Variants in CDH13 observed in about 807,000 individuals in gnomAD.
CDH13 encodes cadherin-13.
CDH13 carries 24 observed loss-of-function variants against 63.8 expected under a neutral mutation model. The ratio of observed to expected loss-of-function variants is 0.38; its 90% CI spans 0.27 to 0.53. The LOEUF is 0.53. Among genes scored for constraint, CDH13 ranks in the 20% least tolerant of loss-of-function variants. The pLI, the probability that CDH13 is intolerant of heterozygous loss-of-function variation, is 0.85. For missense variants in CDH13, 1,049 were observed against 903.1 expected, an observed-to-expected ratio of 1.16 and a Z score of -2.07; for synonymous variants, 503 against 355.3, an observed-to-expected ratio of 1.42 and a Z score of -4.67.
chr16:82,829,960 G>A (rs1030313778), intron 1 of CDH13, among the ~76,000 whole-genome samples: 2 of 152,148 alleles, frequency 1.3e-5, no homozygotes, highest in Non-Finnish European at 2.9e-5. Context: ...TAATAAAGAC[G>A]ATGTTTAGAG....
At chr16:83,456,694 G>T (rs1481994466) in intron 6 of CDH13, among the ~76,000 whole-genome samples, 1 of 152,168 alleles carries the variant, frequency 6.6e-6, no homozygotes, top group Non-Finnish European at 1.5e-5. Flanking sequence ...TGGGCGCAGG[G>T]TTCATGACCG....
intron 6 of CDH13, among the ~76,000 whole-genome samples, chr16:83,404,359 C>T (rs2092010968): frequency 6.6e-6 from 1 of 152,214 alleles, no homozygotes; most frequent in African/African-American, 2.4e-5. Context: ...TCTCCCAACA[C>T]ATCTATCCAT....
chr16:83,778,286 T>C (rs929620987), intron 11 of CDH13, among the ~76,000 whole-genome samples: 12 of 152,290 alleles, frequency 7.9e-5, no homozygotes, highest in South Asian at 2.1e-4. Flanking sequence ...TCCCAACACA[T>C]TGGGAGGCCG....
chr16:83,469,487 G>C (rs1230448624), intron 6 of CDH13, among the ~76,000 whole-genome samples: 1 of 152,098 alleles, frequency 6.6e-6, no homozygotes, highest in African/African-American at 2.4e-5. Context: ...TATCTCAGCG[G>C]GGAATAACTA....
chr16:83,001,083 C>A (rs1337404371), intron 2 of CDH13, among the ~76,000 whole-genome samples: 5 of 152,306 alleles, frequency 3.3e-5, no homozygotes, highest in African/African-American at 1.2e-4. Context: ...TACTTACCTG[C>A]TTTTAATCTG....
At chr16:83,588,845 G>C (rs373292822) in intron 7 of CDH13, among the ~76,000 whole-genome samples, 4 of 152,320 alleles carry the variant, frequency 2.6e-5, no homozygotes, top group African/African-American at 9.6e-5. Flanking sequence ...GCAGGTGGGC[G>C]AGGAATGAGG....
At chr16:83,590,902 T>TC (rs1491374446) in intron 7 of CDH13, among the ~76,000 whole-genome samples, 4 of 118,004 alleles carry the variant, frequency 3.4e-5, no homozygotes, top group Non-Finnish European at 3.4e-5. Context: ...ACCAGGGGAT[T>TC]CTTTTTTTTT....
chr16:83,292,891 T>G (rs1164087663), intron 5 of CDH13, among the ~76,000 whole-genome samples: 1 of 152,204 alleles, frequency 6.6e-6, no homozygotes, highest in African/African-American at 2.4e-5. Flanking sequence ...CCAATGAATT[T>G]GCTTTCAGAA....
At chr16:82,929,507 C>T (rs549545744) in intron 2 of CDH13, among the ~76,000 whole-genome samples, 31 of 151,576 alleles carry the variant, frequency 2.0e-4, no homozygotes, top group Non-Finnish European at 2.8e-4. Context: ...AAAAAATTAG[C>T]TGGGCATGGT....
chr16:83,355,492 C>T (rs2091034397), intron 6 of CDH13, among the ~76,000 whole-genome samples: 1 of 152,212 alleles, frequency 6.6e-6, no homozygotes, highest in African/African-American at 2.4e-5. Context: ...ACAAATTATC[C>T]ACCCAATAAA....
chr16:83,468,166 CTT>C (rs1289901780), intron 6 of CDH13, among the ~76,000 whole-genome samples: 12 of 152,130 alleles, frequency 7.9e-5, no homozygotes, highest in Admixed American at 7.9e-4. Flanking sequence ...GAAGAAGAGT[CTT>C]TGCAGTTGTG....
At chr16:82,647,431 G>A (rs1910224890) in intron 1 of CDH13, among the ~76,000 whole-genome samples, 3 of 152,286 alleles carry the variant, frequency 2.0e-5, no homozygotes, top group East Asian at 3.9e-4. Flanking sequence ...TGGTCCAAGG[G>A]GAAGTGTAGA....
intron 7 of CDH13, among the ~76,000 whole-genome samples, chr16:83,595,279 GA>G: frequency 6.6e-6 from 1 of 152,324 alleles, no homozygotes; most frequent in South Asian, 2.1e-4. Flanking sequence ...GATATGCTCA[GA>G]CCTTTGAGAC....
chr16:82,858,763 A>C, intron 2 of CDH13: 1 of 485,346 alleles, frequency 2.1e-6, no homozygotes, highest in Non-Finnish European at 3.6e-6. Context: ...CACTGTGCAA[A>C]GGAAATGAAA....
intron 1 of CDH13, among the ~76,000 whole-genome samples, chr16:82,679,550 A>G (rs1267088314): frequency 6.6e-6 from 1 of 152,220 alleles, no homozygotes; most frequent in East Asian, 1.9e-4. Flanking sequence ...AGTCCTCTGG[A>G]CAAGGTCAGC....
At position 83,654,040 on chromosome 16, in the gene CDH13, G is replaced by T. The variant is rs8051748; in HGVS notation, c.1102-16750G>T. Reference sequence around the variant, plus strand: ...GGAATGAACAAATGGGTGGGGTAATGAATGCACAAATCAGAGACTTAATAC... The same window carrying T: ...GGAATGAACAAATGGGTGGGGTAATTAATGCACAAATCAGAGACTTAATAC... On this transcript the variant is annotated intron_variant, in intron 8 of 13. Coordinates refer to ENST00000567109, the MANE Select transcript of CDH13 (RefSeq NM_001257.5). Among the ~76,000 whole-genome samples the T allele has an allele frequency of 8.6e-5, 13 of 151,946 alleles. No individual in the cohort carries two copies. The East Asian group carries it at 1.8e-3, about 21-fold the overall frequency.
chr16:83,496,028 G>C (rs958411518), intron 7 of CDH13, among the ~76,000 whole-genome samples: 15 of 150,868 alleles, frequency 9.9e-5, no homozygotes, highest in African/African-American at 3.7e-4. Flanking sequence ...ACAAATGGAA[G>C]AACATTCCAT....
intron 6 of CDH13, among the ~76,000 whole-genome samples, chr16:83,390,062 GA>G (rs75690941): frequency 0.31 from 46,679 of 151,302 alleles, 10,145 homozygotes; most frequent in African/African-American, 0.63. Context: ...AATTTTCCCA[GA>G]AAAAAAAATG....
chr16:83,606,403 C>T (rs895410352), intron 8 of CDH13, among the ~76,000 whole-genome samples: 2 of 151,990 alleles, frequency 1.3e-5, no homozygotes, highest in Non-Finnish European at 2.9e-5. Flanking sequence ...CTAGAAATAA[C>T]ACTGTTGAAC....
Sources: gnomAD v4.1 joint callset for allele counts (sites outside exome capture counted in the v4.1 genomes callset) on GRCh38, gnomAD v4.1.1 for gene constraint, MANE v1.5 for transcripts, NCBI Gene and HGNC (gene_info 2026-07-23, HGNC 2026-07-21) for gene names.